XIRP2: variants seen among roughly 807,000 people sequenced by gnomAD.
XIRP2 encodes the protein xin actin binding repeat containing 2.
Under a neutral mutation model 277.0 loss-of-function variants are expected in XIRP2, and 236 were observed. The ratio of observed to expected loss-of-function variants is 0.85; its 90% CI spans 0.77 to 0.95. The LOEUF (loss-of-function observed/expected upper bound fraction) is 0.95. Ranked by LOEUF, XIRP2 falls within the 40% of genes least tolerant of loss-of-function variation. The probability of loss-of-function intolerance (pLI) is 0.00; values close to 1 mark genes in which losing one functional copy is unlikely to be tolerated. For missense variants in XIRP2, 4,640 were observed against 4,157.5 expected, an observed-to-expected ratio of 1.12 and a Z score of -3.19; for synonymous variants, 1,490 against 1,416.5, an observed-to-expected ratio of 1.05 and a Z score of -1.17.
chr2:167,245,208 A>T lies in XIRP2; in HGVS notation c.3816A>T (p.Val1272=). 1 of 1,613,784 alleles carries T rather than the reference A, an allele frequency of 6.2e-7. No individual in the cohort carries two copies. Among genetic ancestry groups the T allele is most frequent in the Non-Finnish European group, 8.5e-7 (1 of 1,179,760 alleles). ...TGACAGACATACAAGGTGGGGATGT[A>T]AGAAAGGGGTGCTTTATTTTTGAGA... ...KTVTDIQGGD[V]RKGCFIFETF... The change falls in exon 9 of 11, where the codon GTA becomes GTT. Residue 1272 remains valine (V), a synonymous_variant. Coordinates refer to ENST00000409195, the MANE Select transcript of XIRP2 (RefSeq NM_152381.6).
chr2:166,908,165 T>G (rs1206323181), intron 2 of XIRP2, among the ~76,000 whole-genome samples: 1 of 152,196 alleles, frequency 6.6e-6, no homozygotes, highest in Non-Finnish European at 1.5e-5. Context: ...GTATGTCTAC[T>G]TCTAGATCCT....
In XIRP2 at chr2:167,243,979, C is replaced by A; in HGVS notation, c.2587C>A (p.Gln863Lys). 1 of 1,613,960 alleles carries A rather than the reference C, an allele frequency of 6.2e-7. No individual in the cohort carries two copies. Residue 863 changes from glutamine to lysine, a missense_variant, in exon 9 of 11, where the codon CAA (glutamine) becomes AAA (lysine). Physicochemically the swap from Gln to Lys is moderately conservative, Grantham distance 53 (BLOSUM62 1). Coordinates refer to ENST00000409195, the MANE Select transcript of XIRP2 (RefSeq NM_152381.6). ...LKEVPDADSL[Q>K]REEIIGGDVQ... ...AGAAGTTCCTGATGCAGATTCTCTA[C>A]AACGTGAGGAGATAATAGGTGGTGA...
chr2:167,118,307 C>T (rs1030745347), intron 2 of XIRP2, among the ~76,000 whole-genome samples: 7 of 151,786 alleles, frequency 4.6e-5, no homozygotes, highest in Non-Finnish European at 7.4e-5. Context: ...TGGTGAAACC[C>T]GATCTCTACT....
intron 2 of XIRP2, among the ~76,000 whole-genome samples, chr2:166,914,287 T>A (rs1226473144): frequency 6.6e-6 from 1 of 152,148 alleles, no homozygotes; most frequent in Admixed American, 6.5e-5. Flanking sequence ...TGAAATTTAT[T>A]TCTGAATTTG....
intron 2 of XIRP2, among the ~76,000 whole-genome samples, chr2:167,081,183 A>G (rs1162939626): frequency 6.6e-6 from 1 of 152,190 alleles, no homozygotes; most frequent in Non-Finnish European, 1.5e-5. Flanking sequence ...TTGAAATACA[A>G]GGGCAGGCAC....
intron 3 of XIRP2, among the ~76,000 whole-genome samples, chr2:167,153,810 G>A: frequency 6.7e-6 from 1 of 149,944 alleles, no homozygotes; most frequent in Non-Finnish European, 1.5e-5. Flanking sequence ...ATCTATCATT[G>A]TTGGACATTT....
intron 2 of XIRP2, among the ~76,000 whole-genome samples, chr2:167,040,881 C>T (rs118054081): frequency 0.017 from 2,620 of 152,330 alleles, 30 homozygotes; most frequent in African/African-American, 0.028. Context: ...AACCTGCAGC[C>T]TCCCCCTGCC....
Position 167,249,061 on chromosome 2 carries a change from G to C in XIRP2, c.7669G>C (p.Glu2557Gln). 2 of 1,611,610 alleles carry C rather than the reference G, an allele frequency of 1.2e-6. No homozygotes were observed. Among genetic ancestry groups the C allele is most frequent in the Non-Finnish European group, 1.7e-6 (2 of 1,179,340 alleles). Residue 2557 changes from glutamate (E) to glutamine (Q), a missense_variant, in exon 9 of 11, where the codon GAA (glutamate) becomes CAA (glutamine). Glu to Gln is a conservative substitution (Grantham distance 29). Coordinates refer to ENST00000409195, the MANE Select transcript of XIRP2 (RefSeq NM_152381.6). ...AEEKYRQQKE[E>Q]IEKQKQESSY... is the part of the protein sequence containing the mutation. ...AGAAAAATATAGACAACAAAAAGAA[G>C]AAATTGAAAAACAGAAACAGGAGAG...
intron 3 of XIRP2, among the ~76,000 whole-genome samples, chr2:167,208,661 T>C (rs975303338): frequency 7.9e-5 from 12 of 152,124 alleles, no homozygotes; most frequent in Admixed American, 2.0e-4. Context: ...AGGCCACTGA[T>C]TTCTTTTTGA....
chr2:167,210,595 T>C lies in XIRP2; in HGVS notation c.563-140T>C, dbSNP rs1693995360. 6 of 1,177,822 alleles carry C rather than the reference T, an allele frequency of 5.1e-6. 1 individual carries two copies. In the East Asian group the frequency reaches 9.5e-5, roughly 19 times the overall value. 73.0% of individuals were successfully genotyped at this position (1,177,822 alleles called of 1,614,324 possible). A position where few individuals can be genotyped will look rare whatever the true frequency, so the allele number is the denominator to read the frequency against. On this transcript the variant is annotated intron_variant, in intron 3 of 10. Transcript: ENST00000409195. ...CTTGAAAGCTTGAAGGAGATGACCATGAGACATTGAAAATATTGTGAAATG... is the reference window on the plus strand; with the variant it reads ...CTTGAAAGCTTGAAGGAGATGACCACGAGACATTGAAAATATTGTGAAATG...
intron 2 of XIRP2, among the ~76,000 whole-genome samples, chr2:167,061,399 G>A (rs1329467147): frequency 6.6e-6 from 1 of 152,024 alleles, no homozygotes; most frequent in Admixed American, 6.6e-5. Context: ...AATAAAAGTG[G>A]TGGGACCAGA....
intron 2 of XIRP2, among the ~76,000 whole-genome samples, chr2:167,042,386 C>A (rs143530821): frequency 1.3e-5 from 2 of 152,196 alleles, no homozygotes; most frequent in East Asian, 3.9e-4. Context: ...TTAAAAGGCA[C>A]AGAGTGACAA....
chr2:167,180,651 T>A (rs932452775), intron 3 of XIRP2, among the ~76,000 whole-genome samples: 2 of 152,196 alleles, frequency 1.3e-5, no homozygotes, highest in Non-Finnish European at 2.9e-5. Flanking sequence ...GCTTGTATCT[T>A]TGTGACTTTT....
chr2:167,089,230 C>G (rs1268982507), intron 2 of XIRP2, among the ~76,000 whole-genome samples: 1 of 152,148 alleles, frequency 6.6e-6, no homozygotes, highest in Non-Finnish European at 1.5e-5. Flanking sequence ...ATTAGGGTAT[C>G]ACTTTTCCAA....
At chr2:166,940,464 T>A (rs192410474) in intron 2 of XIRP2, among the ~76,000 whole-genome samples, 46 of 152,332 alleles carry the variant, frequency 3.0e-4, no homozygotes, top group African/African-American at 1.1e-3. Context: ...TCATTCTCCA[T>A]CCAGCTTTGT....
chr2:167,152,974 C>G (rs1395591333), intron 3 of XIRP2, among the ~76,000 whole-genome samples: 1 of 152,140 alleles, frequency 6.6e-6, no homozygotes, highest in Admixed American at 6.6e-5. Context: ...CCCCCTATTT[C>G]GCAGGCAACC....
At chr2:167,103,107 C>G (rs899890008) in intron 2 of XIRP2, among the ~76,000 whole-genome samples, 1 of 151,942 alleles carries the variant, frequency 6.6e-6, no homozygotes, top group African/African-American at 2.4e-5. Context: ...CCACTACACT[C>G]CAGCCTGGGC....
intron 2 of XIRP2, among the ~76,000 whole-genome samples, chr2:167,005,966 A>C (rs888912677): frequency 2.0e-5 from 3 of 151,760 alleles, no homozygotes; most frequent in Non-Finnish European, 4.4e-5. Flanking sequence ...TCCACATCAG[A>C]ATCATAACTC....
At chr2:167,137,639 G>T (rs1207859018) in intron 3 of XIRP2, among the ~76,000 whole-genome samples, 1 of 152,136 alleles carries the variant, frequency 6.6e-6, no homozygotes, top group African/African-American at 2.4e-5. Flanking sequence ...CTTAGAAAAA[G>T]TATTCTGGAG....
Sources: allele counts gnomAD v4.1 joint callset (sites outside exome capture counted in the v4.1 genomes callset), GRCh38; gene constraint gnomAD v4.1.1; transcripts MANE v1.5; gene names NCBI Gene and HGNC (gene_info 2026-07-23, HGNC 2026-07-21).